FBN2: variants seen among roughly 807,000 people sequenced by gnomAD.
FBN2 encodes fibrillin 2.
In FBN2, 105 loss-of-function variants were observed where a neutral mutation model predicts 355.6. The observed-to-expected ratio is 0.30, with a 90% confidence interval of 0.25 to 0.35. FBN2 has a LOEUF of 0.35. FBN2 is among the 10% of genes least tolerant of loss of function. The pLI, the probability that FBN2 is intolerant of heterozygous loss-of-function variation, is 1.00. For synonymous variants in FBN2, 1,350 were observed against 1,301.2 expected (o/e 1.04, Z -0.81); for missense variants, 3,280 against 3,758.7 (o/e 0.87, Z 3.33).
chr5:128,292,194 G>A (rs1472516837), intron 48 of FBN2, among the ~76,000 whole-genome samples: 1 of 152,024 alleles, frequency 6.6e-6, no homozygotes, highest in Non-Finnish European at 1.5e-5. Context: ...TGCCACCAGG[G>A]CTGCCTTTCT....
At position 128,288,504 on chromosome 5, in the gene FBN2, C is replaced by A; in HGVS notation, c.6691G>T (p.Val2231Phe). Residue 2231 changes from valine (V) to phenylalanine (F), a missense_variant, in exon 53 of 65, where the codon GTT becomes TTT. By Grantham distance (50) the Val-to-Phe change is conservative (BLOSUM62 -1). Transcript: ENST00000262464. ...CAATTGCATTCAAAACTCCCAATAA[C>A]ATTGGTGCATGTACCATTTCCACAC... The part of the protein sequence containing the change: ...NPCGNGTCTN[V>F]IGSFECNCNE... 1 of 1,613,782 alleles carries A rather than the reference C, an allele frequency of 6.2e-7. No individual in the cohort carries two copies. Among genetic ancestry groups the A allele is most frequent in the Non-Finnish European group, 8.5e-7 (1 of 1,179,698 alleles).
In FBN2 at chr5:128,263,614, G is replaced by T; in HGVS notation, c.8003C>A (p.Ser2668Tyr). The change falls in exon 63 of 65, where the codon TCC becomes TAC. Residue 2668 changes from serine (S) to tyrosine (Y), a missense_variant. Physicochemically the swap from Ser to Tyr is moderately radical, Grantham distance 144. This residue lies in a region of FBN2 where 311 missense variants were observed against 319.1 expected (regional missense o/e 0.97). Coordinates refer to ENST00000262464, the MANE Select transcript of FBN2 (RefSeq NM_001999.4). ...CSNPNACGSA[S>Y]CYNTLGSYKC... ...GTAACTCCCCAGGGTGTTGTAGCAG[G>T]AAGCAGAGCCACAGGCATTGGGATT... 1 of 1,614,154 alleles carries T rather than the reference G, an allele frequency of 6.2e-7. No homozygotes were observed.
chr5:128,359,249 T>C (rs1751578364), intron 19 of FBN2, among the ~76,000 whole-genome samples: 2 of 152,054 alleles, frequency 1.3e-5, no homozygotes, highest in South Asian at 4.1e-4. Context: ...ACAAAATTAG[T>C]GCACAAGACA....
chr5:128,349,072 G>C (rs1281497476), intron 23 of FBN2, among the ~76,000 whole-genome samples: 1 of 152,174 alleles, frequency 6.6e-6, no homozygotes, highest in Non-Finnish European at 1.5e-5. Flanking sequence ...TATTAACTCA[G>C]TGTGAAAGAC....
chr5:128,529,678 T>C (rs1482471937), intron 3 of FBN2, among the ~76,000 whole-genome samples: 1 of 152,198 alleles, frequency 6.6e-6, no homozygotes, highest in Non-Finnish European at 1.5e-5. Context: ...AACAGGATAA[T>C]GAACATACTG....
At chr5:128,431,524 A>G (rs1753628333) in intron 7 of FBN2, among the ~76,000 whole-genome samples, 1 of 152,196 alleles carries the variant, frequency 6.6e-6, no homozygotes, top group African/African-American at 2.4e-5. Context: ...AACCAGCACA[A>G]ATTTCTTCTT....
intron 23 of FBN2, among the ~76,000 whole-genome samples, chr5:128,347,023 G>A (rs1051605908): frequency 2.6e-4 from 39 of 152,268 alleles, no homozygotes; most frequent in African/African-American, 8.7e-4. Context: ...AGGGCTCTGA[G>A]GGGCTAGTCT....
chr5:128,536,977 G>C (rs1481720123), intron 1 of FBN2, among the ~76,000 whole-genome samples: 1 of 152,082 alleles, frequency 6.6e-6, no homozygotes, highest in Non-Finnish European at 1.5e-5. Flanking sequence ...CACGAGCGGC[G>C]GCCCCGACGT....
At chr5:128,425,702 A>T (rs945954897) in intron 7 of FBN2, among the ~76,000 whole-genome samples, 1 of 152,160 alleles carries the variant, frequency 6.6e-6, no homozygotes, top group Admixed American at 6.5e-5. Context: ...TCCACCCTAC[A>T]TTCCACTATA....
chr5:128,374,061 C>T (rs1752017712), intron 15 of FBN2, among the ~76,000 whole-genome samples: 2 of 151,794 alleles, frequency 1.3e-5, no homozygotes. Flanking sequence ...AACTGAAATG[C>T]ACTGTGTTTA....
intron 5 of FBN2, among the ~76,000 whole-genome samples, chr5:128,503,248 G>A (rs1024898644): frequency 6.6e-6 from 1 of 152,216 alleles, no homozygotes; most frequent in Non-Finnish European, 1.5e-5. Context: ...ATGTGGAAAT[G>A]TGAGTCAACT....
Position 128,288,482 on chromosome 5 carries a change from T to C in FBN2, c.6713A>G (p.Asn2238Ser), listed in dbSNP as rs1431596245. The C allele has an allele frequency of 2.5e-6, 4 of 1,613,908 alleles. No individual in the cohort carries two copies. The highest frequency in any genetic ancestry group is 1.7e-5 in the Admixed American group (1 of 60,002). ...CCCTGGCTCAAAGCCTTCATTGCAA[T>C]TGCATTCAAAACTCCCAATAACATT... ...CTNVIGSFEC[N>S]CNEGFEPGPM... is the part of the protein sequence containing the mutation. The change falls in exon 53 of 65, where the codon AAT becomes AGT. Residue 2238 changes from asparagine (N) to serine (S), a missense_variant. Asn to Ser is a conservative substitution (Grantham distance 46). Around this residue, in one of 6 missense-constraint regions of FBN2, gnomAD observed 2,284 missense variants for 2,749.5 expected, o/e 0.83. Coordinates refer to ENST00000262464, the MANE Select transcript of FBN2 (RefSeq NM_001999.4).
chr5:128,381,346 C>A (rs893705354), intron 11 of FBN2, among the ~76,000 whole-genome samples: 3 of 152,026 alleles, frequency 2.0e-5, no homozygotes, highest in African/African-American at 7.2e-5. Flanking sequence ...GTCACTGATC[C>A]TTTAATAAAT....
chr5:128,280,140 C>A lies in FBN2; in HGVS notation c.7138+52G>T, dbSNP rs540807931. The A allele has an allele frequency of 5.3e-6, 8 of 1,506,120 alleles. 1 individual carries two copies. In the South Asian group the frequency reaches 7.9e-5, roughly 15 times the overall value. The allele number at this position is 1,506,120 out of a possible 1,614,324, so 93.3% of individuals were successfully genotyped here. On this transcript the variant is annotated intron_variant, in intron 56 of 64. Transcript: ENST00000262464. ...ATGTGGAGCTCTTCTGTGATGACAT[C>A]ATGAACAGATGTTTTATCTACCAAG...
intron 6 of FBN2, among the ~76,000 whole-genome samples, chr5:128,454,195 C>G (rs1017790914): frequency 6.6e-6 from 1 of 152,234 alleles, no homozygotes; most frequent in Non-Finnish European, 1.5e-5. Flanking sequence ...GACTTCCCAA[C>G]AGCTACATGT....
chr5:128,307,238 T>C (rs1337170097), intron 41 of FBN2, 35 bp from the exon 42 acceptor site: 1 of 1,194,866 alleles, frequency 8.4e-7, no homozygotes, highest in Non-Finnish European at 1.3e-6. Flanking sequence ...CACTCTTAAA[T>C]TTCTCAAATT....
chr5:128,408,677 T>TGCATCG lies in FBN2; in HGVS notation c.1069_1074dup (p.Arg357_Cys358dup). 1 of 1,613,990 alleles carries TGCATCG rather than the reference T, an allele frequency of 6.2e-7. No individual in the cohort carries two copies. Among genetic ancestry groups the TGCATCG allele is most frequent in the South Asian group, 1.1e-5 (1 of 91,082 alleles). ...GCCTTCAAAATGCGAGGCTTACCGA[T>TGCATCG]GCATCGAGAGCCATCTGTTGAGGTT... On this transcript the variant is annotated inframe_insertion, in exon 8 of 65. Transcript: ENST00000262464.
In FBN2 at chr5:128,524,896, A is replaced by T. The variant is rs1394046076; in HGVS notation, c.532+2976T>A. 2.6e-5 allele frequency among the ~76,000 whole-genome samples: 4 copies of T among 152,162 alleles called. No homozygotes were observed. The East Asian group carries it at 7.7e-4, about 29-fold the overall frequency. ...ATGTTCAGTATATGCTGATTTTCTG[A>T]CCCAGTGATGTTGCCTTTCCTCTGA... On this transcript the variant is annotated intron_variant, in intron 4 of 64. Coordinates refer to ENST00000262464, the MANE Select transcript of FBN2 (RefSeq NM_001999.4).
intron 55 of FBN2, among the ~76,000 whole-genome samples, chr5:128,284,326 A>G (rs892161085): frequency 1.3e-5 from 2 of 152,176 alleles, no homozygotes. Flanking sequence ...CAGAGCTAGC[A>G]CACATGAACC....
Sources: allele counts gnomAD v4.1 joint callset (sites outside exome capture counted in the v4.1 genomes callset), GRCh38; gene constraint gnomAD v4.1.1; regional missense constraint gnomAD v4.1.1; transcripts MANE v1.5; gene names NCBI Gene and HGNC (gene_info 2026-07-23, HGNC 2026-07-21).